PPFIBP2: variants seen among roughly 807,000 people sequenced by gnomAD.
PPFIBP2 encodes the protein PPFIB scaffold protein 2.
A neutral mutation model predicts 118.3 loss-of-function variants in PPFIBP2; 118 were observed. The ratio of observed to expected loss-of-function variants is 1.00; its 90% CI spans 0.86 to 1.16. PPFIBP2 has a LOEUF of 1.16. Among genes scored for constraint, PPFIBP2 ranks in the 50% most tolerant of loss-of-function variants. The pLI is 0.00. For synonymous variants in PPFIBP2, 414 were observed against 397.4 expected (o/e 1.04, Z -0.50); for missense variants, 1,195 against 1,073.1 (o/e 1.11, Z -1.59).
intron 1 of PPFIBP2, among the ~76,000 whole-genome samples, chr11:7,540,577 A>G (rs546873053): frequency 3.3e-5 from 5 of 152,070 alleles, no homozygotes; most frequent in South Asian, 4.2e-4. Flanking sequence ...ACATGCTGCA[A>G]CCTCACTCCA....
intron 5 of PPFIBP2, among the ~76,000 whole-genome samples, chr11:7,608,486 C>G (rs1847665774): frequency 1.3e-5 from 2 of 152,050 alleles, no homozygotes; most frequent in Admixed American, 6.6e-5. Flanking sequence ...ACTAAAAATA[C>G]AAAATCCGCT....
At chr11:7,606,885 AATTTTTTTTTTTTT>A (rs1192330716) in intron 5 of PPFIBP2, among the ~76,000 whole-genome samples, 2 of 93,470 alleles carry the variant, frequency 2.1e-5, no homozygotes, top group African/African-American at 7.4e-5. Flanking sequence ...AAACTGCATG[AATTTTTTTTTTTTT>A]TTTTTTTTTT....
At chr11:7,632,649 G>C (rs1272873617) in intron 11 of PPFIBP2, 3 of 492,042 alleles carry the variant, frequency 6.1e-6, no homozygotes, top group Non-Finnish European at 1.1e-5. Flanking sequence ...AAGCTCTAGG[G>C]TCCAGGAAGG....
At chr11:7,661,451 G>A (rs1854888389), downstream of PPFIBP2, among the ~76,000 whole-genome samples, 3 of 151,604 alleles carry the variant, frequency 2.0e-5, no homozygotes, top group South Asian at 4.2e-4. Context: ...CATGCAGTCG[G>A]GTGGTTTTGA....
chr11:7,551,788 A>G (rs1411987873), intron 2 of PPFIBP2, among the ~76,000 whole-genome samples: 1 of 152,254 alleles, frequency 6.6e-6, no homozygotes, highest in East Asian at 1.9e-4. Flanking sequence ...TGATTTCTCC[A>G]TACAGGCATT....
chr11:7,516,950 T>C (rs564390547), intron 1 of PPFIBP2, among the ~76,000 whole-genome samples: 3 of 152,338 alleles, frequency 2.0e-5, no homozygotes, highest in Admixed American at 1.3e-4. Context: ...AGGGGTGACT[T>C]TCTCAATAAC....
chr11:7,580,740 A>G lies in PPFIBP2; in HGVS notation c.280-12392A>G, dbSNP rs910051955. ...GTCTGGATTTCTTTAACTATAAAAT[A>G]AGGGAGATAATAGTACCTACCACAT... On this transcript the variant is annotated intron_variant, in intron 3 of 23. Coordinates refer to ENST00000299492, the MANE Select transcript of PPFIBP2 (RefSeq NM_003621.5). 3.3e-5 allele frequency among the ~76,000 whole-genome samples: 5 copies of G among 152,208 alleles called. No homozygotes were observed. In the South Asian group the frequency reaches 6.2e-4, roughly 19 times the overall value.
intron 2 of PPFIBP2, 65 bp downstream of exon 2, chr11:7,549,604 T>A: frequency 1.5e-6 from 2 of 1,346,562 alleles, no homozygotes; most frequent in Non-Finnish European, 1.9e-6. Flanking sequence ...GCTTCTCTCC[T>A]TTTACTTTTT....
At chr11:7,665,496 G>A in the PPFIBP2 span, 1 of 1,613,866 alleles carries the variant, frequency 6.2e-7, no homozygotes, top group Non-Finnish European at 8.5e-7. Flanking sequence ...GGAGGAGGAA[G>A]GTGCTCCTTG....
intron 6 of PPFIBP2, chr11:7,610,662 A>G (rs1047719631): frequency 7.1e-6 from 3 of 420,700 alleles, no homozygotes; most frequent in South Asian, 4.1e-5. Context: ...ACTGCTGACA[A>G]GGATGGAAAG....
chr11:7,602,210 C>T (rs1020481743), intron 5 of PPFIBP2, among the ~76,000 whole-genome samples: 5 of 151,868 alleles, frequency 3.3e-5, no homozygotes, highest in Non-Finnish European at 7.4e-5. Flanking sequence ...ACTCACAGTG[C>T]TGGGCTCTGC....
chr11:7,645,338 G>T (rs556589801), intron 17 of PPFIBP2, among the ~76,000 whole-genome samples: 1 of 149,652 alleles, frequency 6.7e-6, no homozygotes, highest in African/African-American at 2.6e-5. Context: ...ACTTCCCATT[G>T]TGCCGATTCG....
chr11:7,546,087 A>G (rs1021818433), intron 1 of PPFIBP2, among the ~76,000 whole-genome samples: 3 of 152,288 alleles, frequency 2.0e-5, no homozygotes, highest in Middle Eastern at 3.4e-3. Context: ...AGGCTATGGA[A>G]GCTCCATGCA....
At chr11:7,620,677 T>G (rs1466003755) in intron 6 of PPFIBP2, among the ~76,000 whole-genome samples, 2 of 152,310 alleles carry the variant, frequency 1.3e-5, no homozygotes, top group African/African-American at 4.8e-5. Flanking sequence ...AGGACATAGA[T>G]GTCAGAGAAA....
intron 16 of PPFIBP2, 55 bp downstream of exon 16, chr11:7,641,675 G>A: frequency 1.3e-6 from 2 of 1,557,348 alleles, no homozygotes; most frequent in Non-Finnish European, 1.8e-6. Context: ...CTTTTTGATT[G>A]GGCAAAGAGT....
intron 21 of PPFIBP2, 161 bp from the exon 22 acceptor site, chr11:7,650,679 G>A: frequency 1.7e-6 from 1 of 576,462 alleles, no homozygotes; most frequent in Non-Finnish European, 2.9e-6. Flanking sequence ...TAGAAACTGG[G>A]GAGGCTGGTG....
intron 1 of PPFIBP2, among the ~76,000 whole-genome samples, chr11:7,527,305 A>G (rs1450559407): frequency 2.6e-5 from 4 of 152,094 alleles, no homozygotes; most frequent in East Asian, 3.9e-4. Flanking sequence ...GCAGTGTGAT[A>G]TCTTGGTCTG....
intron 3 of PPFIBP2, among the ~76,000 whole-genome samples, chr11:7,569,905 G>A (rs927181056): frequency 1.3e-5 from 2 of 152,154 alleles, no homozygotes; most frequent in African/African-American, 2.4e-5. Context: ...GGAGGGTGTG[G>A]TTATTTCAGT....
intron 1 of PPFIBP2, among the ~76,000 whole-genome samples, chr11:7,541,269 C>T (rs991604365): frequency 3.9e-5 from 6 of 152,274 alleles, no homozygotes; most frequent in South Asian, 2.1e-4. Context: ...TTGAGGACCA[C>T]GAGATAGGTG....
Sources: gnomAD v4.1 joint callset for allele counts (sites outside exome capture counted in the v4.1 genomes callset) on GRCh38, gnomAD v4.1.1 for gene constraint, MANE v1.5 for transcripts, NCBI Gene and HGNC (gene_info 2026-07-23, HGNC 2026-07-21) for gene names.